The following KLF12 variants were observed in gnomAD, a reference collection of about 807,000 sequenced individuals.
The protein encoded by KLF12 is KLF transcription factor 12.
A neutral mutation model predicts 37.8 loss-of-function variants in KLF12; 9 were observed. That is an observed-to-expected ratio of 0.24 (90% CI 0.14 to 0.42). The LOEUF is 0.42. Among genes scored for constraint, KLF12 ranks in the 10% least tolerant of loss-of-function variants. The pLI, the probability that KLF12 is intolerant of heterozygous loss-of-function variation, is 1.00. For missense variants in KLF12, 411 were observed against 516.0 expected (o/e 0.80, Z 1.97); for synonymous variants, 208 against 202.1 (o/e 1.03, Z -0.25).
At chr13:73,711,798 C>T (rs923194204) in intron 7 of KLF12, among the ~76,000 whole-genome samples, 3 of 152,242 alleles carry the variant, frequency 2.0e-5, no homozygotes, top group African/African-American at 4.8e-5. Context: ...AAATACATTT[C>T]GTAAGACTAT....
chr13:73,937,681 C>T (rs1425592685), intron 3 of KLF12, among the ~76,000 whole-genome samples: 1 of 152,218 alleles, frequency 6.6e-6, no homozygotes, highest in Non-Finnish European at 1.5e-5. Context: ...TTCTCAACTT[C>T]ATAGCTTTGC....
At chr13:74,150,026 T>C in the KLF12 span, among the ~76,000 whole-genome samples, 2 of 152,234 alleles carry the variant, frequency 1.3e-5, no homozygotes, top group Non-Finnish European at 2.9e-5. Context: ...TCCATGTCCC[T>C]TCTCTACTTT....
At chr13:73,940,040 C>G (rs1006315552) in intron 3 of KLF12, among the ~76,000 whole-genome samples, 21 of 152,156 alleles carry the variant, frequency 1.4e-4, no homozygotes, top group African/African-American at 5.1e-4. Context: ...GTCATTCCAG[C>G]TGGTGAACTG....
chr13:73,716,790 G>A (rs1875846394), intron 6 of KLF12, among the ~76,000 whole-genome samples: 1 of 151,504 alleles, frequency 6.6e-6, no homozygotes, highest in Non-Finnish European at 1.5e-5. Flanking sequence ...CATCCATGTC[G>A]ATATAAATGC....
intron 6 of KLF12, among the ~76,000 whole-genome samples, chr13:73,732,664 T>G (rs979392102): frequency 6.6e-6 from 1 of 152,226 alleles, no homozygotes; most frequent in African/African-American, 2.4e-5. Flanking sequence ...TTCTCCTTTC[T>G]GTTTCAACTC....
chr13:73,890,628 G>A (rs796451912), intron 3 of KLF12, among the ~76,000 whole-genome samples: 2 of 151,856 alleles, frequency 1.3e-5, no homozygotes, highest in African/African-American at 4.8e-5. Context: ...CCAGCCTCCT[G>A]CACTAGGCCC....
chr13:73,823,070 G>C (rs1160135819), intron 4 of KLF12, among the ~76,000 whole-genome samples: 1 of 152,188 alleles, frequency 6.6e-6, no homozygotes, highest in South Asian at 2.1e-4. Flanking sequence ...GCAATGTACA[G>C]AGAAGGTTTT....
intron 3 of KLF12, among the ~76,000 whole-genome samples, chr13:73,872,619 T>C (rs1224189667): frequency 1.3e-5 from 2 of 152,098 alleles, no homozygotes; most frequent in African/African-American, 2.4e-5. Flanking sequence ...TGAGAGCACC[T>C]AGGAAGCCAC....
chr13:73,860,000 C>CA (rs553056871), intron 3 of KLF12, among the ~76,000 whole-genome samples: 267 of 152,010 alleles, frequency 1.8e-3, no homozygotes, highest in Non-Finnish European at 3.1e-3. Flanking sequence ...TTGATAAAAC[C>CA]AATGTAATAA....
At chr13:73,875,829 C>A (rs1886679438) in intron 3 of KLF12, among the ~76,000 whole-genome samples, 2 of 152,168 alleles carry the variant, frequency 1.3e-5, no homozygotes, top group African/African-American at 2.4e-5. Context: ...GTAAAACTAT[C>A]TTCACCCAAT....
chr13:74,198,511 A>G, the KLF12 span, among the ~76,000 whole-genome samples: 3 of 152,184 alleles, frequency 2.0e-5, no homozygotes, highest in Admixed American at 6.6e-5. Flanking sequence ...ACACTGAGAT[A>G]AGTTCTGAAG....
chr13:74,149,763 G>A, the KLF12 span, among the ~76,000 whole-genome samples: 5 of 152,166 alleles, frequency 3.3e-5, no homozygotes, highest in Non-Finnish European at 5.9e-5. Context: ...GTCATGGCAT[G>A]GCTACCTGTG....
intron 1 of KLF12, among the ~76,000 whole-genome samples, chr13:74,100,326 T>G (rs772229909): frequency 1.1e-4 from 17 of 152,058 alleles, no homozygotes; most frequent in Non-Finnish European, 2.4e-4. Flanking sequence ...TTAAAAAATA[T>G]AATCACAGAA....
At chr13:74,280,044 A>G in the KLF12 span, among the ~76,000 whole-genome samples, 35,420 of 152,092 alleles carry the variant, frequency 0.23, 4,420 homozygotes, top group South Asian at 0.38. Flanking sequence ...CAGCCTCTGT[A>G]GCATATCCTT....
At chr13:73,781,250 A>G (rs1880947645) in intron 5 of KLF12, among the ~76,000 whole-genome samples, 1 of 152,252 alleles carries the variant, frequency 6.6e-6, no homozygotes, top group Non-Finnish European at 1.5e-5. Flanking sequence ...CACTTCCTGT[A>G]GTATAGTTTA....
intron 5 of KLF12, among the ~76,000 whole-genome samples, chr13:73,773,185 C>T (rs1459544488): frequency 1.3e-5 from 2 of 152,104 alleles, no homozygotes; most frequent in East Asian, 1.9e-4. Flanking sequence ...ATAGGTGAGC[C>T]CTGAGCTTCA....
chr13:74,141,293 G>C, the KLF12 span, among the ~76,000 whole-genome samples: 2 of 152,188 alleles, frequency 1.3e-5, no homozygotes, highest in African/African-American at 4.8e-5. Context: ...AGTTTTGATA[G>C]ATTTGAGAGT....
chr13:74,280,010 G>T, the KLF12 span, among the ~76,000 whole-genome samples: 3 of 152,176 alleles, frequency 2.0e-5, no homozygotes, highest in African/African-American at 7.2e-5. Context: ...ACAAGGAAGA[G>T]ATTTTAGTAA....
intron 3 of KLF12, among the ~76,000 whole-genome samples, chr13:73,930,070 G>A (rs1889593543): frequency 2.6e-5 from 4 of 152,190 alleles, no homozygotes; most frequent in Admixed American, 2.6e-4. Flanking sequence ...AGTAGGGTCA[G>A]ATTATATAGG....
Sources: gnomAD v4.1 joint callset for allele counts (sites outside exome capture counted in the v4.1 genomes callset) on GRCh38, gnomAD v4.1.1 for gene constraint, MANE v1.5 for transcripts, NCBI Gene and HGNC (gene_info 2026-07-23, HGNC 2026-07-21) for gene names.